PUS7: variants seen among roughly 807,000 people sequenced by gnomAD.
PUS7 encodes the protein pseudouridine synthase 7.
Under a neutral mutation model 79.8 loss-of-function variants are expected in PUS7, and 48 were observed. The ratio of observed to expected loss-of-function variants is 0.60; its 90% confidence interval spans 0.48 to 0.76. PUS7 has a LOEUF of 0.76. PUS7 is among the 30% of genes least tolerant of loss of function. The pLI is 0.00. For synonymous variants in PUS7, 286 were observed against 272.2 expected (o/e 1.05, Z -0.50); for missense variants, 729 against 797.6 (o/e 0.91, Z 1.04).
intron 13 of PUS7, among the ~76,000 whole-genome samples, chr7:105,464,555 C>G (rs1246899181): frequency 5.3e-5 from 8 of 152,202 alleles, no homozygotes; most frequent in African/African-American, 1.7e-4. Flanking sequence ...AGATGCCCTT[C>G]TTCGCCTGTC....
At chr7:105,494,730 T>C (rs566590032) in intron 6 of PUS7, among the ~76,000 whole-genome samples, 130 of 152,042 alleles carry the variant, frequency 8.6e-4, no homozygotes, top group African/African-American at 3.1e-3. Context: ...TTAATCCCAG[T>C]ACTTTGGGAG....
chr7:105,481,804 C>T (rs1165426658), intron 8 of PUS7, among the ~76,000 whole-genome samples: 1 of 151,572 alleles, frequency 6.6e-6, no homozygotes, highest in Admixed American at 6.6e-5. Context: ...GATCTCGGCT[C>T]ACTGCAAGTT....
intron 7 of PUS7, among the ~76,000 whole-genome samples, chr7:105,484,855 ATT>A (rs1172322541): frequency 0.15 from 17,896 of 116,518 alleles, 1,304 homozygotes; most frequent in South Asian, 0.17. Flanking sequence ...CCAGTCAGAG[ATT>A]TTTTTTTTTT....
chr7:105,462,649 T>C lies in PUS7; in HGVS notation c.1729A>G (p.Ile577Val). The change falls in exon 14 of 16, where the codon ATC (isoleucine) becomes GTC (valine). Residue 577 changes from isoleucine to valine, a missense_variant. Transcript: ENST00000469408. Reference protein sequence around the residue: ...DYSLSGAYRKIIIRPQNVSWE... With the variant: ...DYSLSGAYRKVIIRPQNVSWE... ...CTAACATTCTGAGGACGAATAATGA[T>C]CTTTCGGTAGGCCCCTGACAAGGAA... 1 of 1,613,906 alleles carries C rather than the reference T, an allele frequency of 6.2e-7. No individual in the cohort carries two copies. Among genetic ancestry groups the C allele is most frequent in the Non-Finnish European group, 8.5e-7 (1 of 1,179,944 alleles).
At chr7:105,521,717 G>C (rs1826121325) in intron 1 of PUS7, among the ~76,000 whole-genome samples, 9 of 152,234 alleles carry the variant, frequency 5.9e-5, no homozygotes. Flanking sequence ...AAAGGGAGGA[G>C]TGGGAAGGGG....
intron 13 of PUS7, 80 bp from the exon 14 acceptor site, chr7:105,462,830 A>G: frequency 7.3e-7 from 1 of 1,362,714 alleles, no homozygotes; most frequent in Non-Finnish European, 1.0e-6. Context: ...AGAGAGTAAC[A>G]ATGTAAGTTC....
intron 5 of PUS7, among the ~76,000 whole-genome samples, chr7:105,496,174 T>A (rs1397781290): frequency 8.6e-6 from 1 of 115,786 alleles, no homozygotes; most frequent in South Asian, 2.7e-4. Flanking sequence ...AAAAAAAAAG[T>A]ATGCATATCT....
chr7:105,482,177 T>G, intron 8 of PUS7, 135 bp downstream of exon 8: 1 of 1,051,898 alleles, frequency 9.5e-7, no homozygotes, highest in Non-Finnish European at 1.4e-6. Flanking sequence ...TGCCAGGCCC[T>G]GCTCTGCCCT....
intron 7 of PUS7, among the ~76,000 whole-genome samples, chr7:105,485,011 C>T (rs1472704025): frequency 6.6e-6 from 1 of 151,678 alleles, no homozygotes; most frequent in Non-Finnish European, 1.5e-5. Context: ...TACAGGCACA[C>T]ACCACCATGC....
At position 105,506,286 on chromosome 7, in the gene PUS7, A is replaced by C. The variant is rs746635219; in HGVS notation, c.399-13T>G. 1.3e-6 allele frequency: 2 copies of C among 1,568,350 alleles called. No homozygotes were observed. Among genetic ancestry groups the C allele is most frequent in the Non-Finnish European group, 1.7e-6 (2 of 1,143,026 alleles). On this transcript the variant is annotated splice_polypyrimidine_tract_variant and intron_variant, in intron 2 of 15. Coordinates refer to ENST00000469408, the MANE Select transcript of PUS7 (RefSeq NM_019042.5). Reference sequence around the variant, plus strand: ...GAAGTCGGAGTATCTGATGAAAGAAAACATGAACTTTCAGATAATTAACAT... The same window carrying C: ...GAAGTCGGAGTATCTGATGAAAGAACACATGAACTTTCAGATAATTAACAT...
chr7:105,458,283 C>G (rs1287548878), intron 15 of PUS7, among the ~76,000 whole-genome samples: 1 of 151,948 alleles, frequency 6.6e-6, no homozygotes, highest in African/African-American at 2.4e-5. Flanking sequence ...TTTTTTGAGA[C>G]AGAGTCTTGT....
intron 5 of PUS7, 118 bp downstream of exon 5, chr7:105,502,302 A>G: frequency 6.3e-6 from 8 of 1,267,514 alleles, no homozygotes; most frequent in East Asian, 2.3e-5. Flanking sequence ...GACATGATCA[A>G]TATTGTTCTC....
chr7:105,477,656 G>T (rs1321094026), intron 9 of PUS7, among the ~76,000 whole-genome samples: 1 of 151,920 alleles, frequency 6.6e-6, no homozygotes, highest in Non-Finnish European at 1.5e-5. Context: ...TATTTTTAAA[G>T]AACTGTGGAG....
chr7:105,459,226 T>C lies in PUS7; in HGVS notation c.1791A>G (p.Pro597=), dbSNP rs753436439. The change falls in exon 15 of 16, where the codon CCA becomes CCG. Residue 597 remains proline, a synonymous_variant. Coordinates refer to ENST00000469408, the MANE Select transcript of PUS7 (RefSeq NM_019042.5). ...GGTTGTCCACATCTGTGTTGAAAAG[T>C]GGAATTTTGGGATCATCATATGCAA... is the stretch of plus-strand genomic sequence containing the variant. ...EVVAYDDPKI[P]LFNTDVDNLE... The C allele has an allele frequency of 8.1e-6, 13 of 1,611,538 alleles. No individual in the cohort carries two copies. The highest frequency in any genetic ancestry group is 1.1e-5 in the Non-Finnish European group (13 of 1,178,646).
At chr7:105,505,872 A>C in intron 4 of PUS7, 83 bp downstream of exon 4, 1 of 1,099,680 alleles carries the variant, frequency 9.1e-7, no homozygotes, top group Non-Finnish European at 1.3e-6. Context: ...TAACCATTGT[A>C]ATTTTTTCCA....
At chr7:105,470,012 T>C (rs1002780293) in intron 11 of PUS7, among the ~76,000 whole-genome samples, 2 of 152,220 alleles carry the variant, frequency 1.3e-5, no homozygotes, top group African/African-American at 4.8e-5. Context: ...GGCACAGTCT[T>C]CAAACTTAAG....
intron 1 of PUS7, among the ~76,000 whole-genome samples, chr7:105,518,888 C>T (rs1393006025): frequency 2.0e-5 from 3 of 151,942 alleles, no homozygotes; most frequent in Non-Finnish European, 4.4e-5. Flanking sequence ...CCTGCCTCAG[C>T]CTCCTGAGTA....
chr7:105,510,897 G>A (rs1238059433), intron 1 of PUS7, among the ~76,000 whole-genome samples: 5 of 152,104 alleles, frequency 3.3e-5, no homozygotes, highest in Non-Finnish European at 7.4e-5. Context: ...ACATACTGAT[G>A]AATGTAGTAA....
intron 9 of PUS7, among the ~76,000 whole-genome samples, chr7:105,473,219 A>C (rs1823946111): frequency 6.6e-6 from 1 of 152,042 alleles, no homozygotes; most frequent in African/African-American, 2.4e-5. Context: ...AAATATCTAC[A>C]TATTTGATGA....
Sources: gnomAD v4.1 joint callset for allele counts (sites outside exome capture counted in the v4.1 genomes callset) on GRCh38, gnomAD v4.1.1 for gene constraint, MANE v1.5 for transcripts, NCBI Gene and HGNC (gene_info 2026-07-23, HGNC 2026-07-21) for gene names.